Variants in AGO3 observed in about 807,000 individuals in gnomAD.
AGO3 encodes the protein protein argonaute-3.
AGO3 carries 16 observed loss-of-function variants against 105.5 expected under a neutral mutation model. The ratio of observed to expected loss-of-function variants is 0.15; its 90% CI spans 0.10 to 0.23. AGO3 has a LOEUF of 0.23. Ranked by LOEUF, AGO3 falls within the 10% of genes least tolerant of loss-of-function variation. The probability of loss-of-function intolerance (pLI) is 1.00; values close to 1 mark genes in which losing one functional copy is unlikely to be tolerated. For missense variants in AGO3, 534 were observed against 1,088.0 expected, an observed-to-expected ratio of 0.49 and a Z score of 7.16; for synonymous variants, 340 against 367.3, an observed-to-expected ratio of 0.93 and a Z score of 0.85.
intron 12 of AGO3, among the ~76,000 whole-genome samples, chr1:36,032,145 T>A (rs374485523): frequency 6.6e-5 from 10 of 152,322 alleles, no homozygotes; most frequent in African/African-American, 2.4e-4. Flanking sequence ...TTTTCCACAG[T>A]GGCTGCACCA....
At chr1:36,045,996 C>G (rs1275196648) in intron 17 of AGO3, among the ~76,000 whole-genome samples, 1 of 152,188 alleles carries the variant, frequency 6.6e-6, no homozygotes, top group Non-Finnish European at 1.5e-5. Context: ...AAATCAGGAT[C>G]AGCTGGGAAC....
At position 35,937,980 on chromosome 1, in the gene AGO3, C is replaced by CT. The variant is rs1252491042; in HGVS notation, c.19+6553dup. Among the ~76,000 whole-genome samples the CT allele has an allele frequency of 8.4e-3, 1,116 of 133,198 alleles. 6 individuals carry two copies. Among genetic ancestry groups the CT allele is most frequent in the African/African-American group, 0.018 (656 of 35,672 alleles). The allele number at this position is 133,198 out of a possible 152,430, so 87.4% of individuals were successfully genotyped here. ...TCTTTTTCCAAAACAAAAATGTATT[C>CT]TTTTTTTTTTTTTTTTTTGAGACGG... On this transcript the variant is annotated intron_variant, in intron 1 of 18. Transcript: ENST00000373191.
intron 3 of AGO3, among the ~76,000 whole-genome samples, chr1:35,970,756 G>T (rs1256167277): frequency 1.3e-5 from 2 of 150,900 alleles, no homozygotes; most frequent in African/African-American, 2.4e-5. Flanking sequence ...TTTAGACAGG[G>T]TCTTGCTCTG....
intron 2 of AGO3, among the ~76,000 whole-genome samples, chr1:35,965,602 A>G (rs1389806512): frequency 6.6e-6 from 1 of 151,972 alleles, no homozygotes; most frequent in African/African-American, 2.4e-5. Flanking sequence ...CTAAAAAATG[A>G]ATAGGTGAAT....
At chr1:36,037,019 A>G (rs995504611) in intron 14 of AGO3, among the ~76,000 whole-genome samples, 1 of 149,040 alleles carries the variant, frequency 6.7e-6, no homozygotes, top group Admixed American at 6.7e-5. Flanking sequence ...TACTACTGCC[A>G]CTCCTGTTTT....
In AGO3 at chr1:35,979,817, CT is replaced by C. The variant is rs201663748; in HGVS notation, c.658+6315del. On this transcript the variant is annotated intron_variant, in intron 5 of 18. Coordinates refer to ENST00000373191, the MANE Select transcript of AGO3 (RefSeq NM_024852.4). The stretch of plus-strand genomic sequence containing the variant: ...TTGTGAACTTTATCCTATCCTTTAA[CT>C]TTTTTTTTCAGGTATATCTTGATGA... Among the ~76,000 whole-genome samples the C allele has an allele frequency of 2.6e-5, 4 of 151,080 alleles. No individual in the cohort carries two copies. In the East Asian group the frequency reaches 5.8e-4, roughly 22 times the overall value.
intron 12 of AGO3, among the ~76,000 whole-genome samples, chr1:36,028,129 C>T (rs1298082202): frequency 2.0e-5 from 3 of 152,126 alleles, no homozygotes; most frequent in African/African-American, 7.2e-5. Flanking sequence ...GCAGCCTTGA[C>T]CTCTTGGGCT....
chr1:36,026,531 A>G (rs1641513181), intron 11 of AGO3, among the ~76,000 whole-genome samples: 1 of 152,226 alleles, frequency 6.6e-6, no homozygotes, highest in Non-Finnish European at 1.5e-5. Flanking sequence ...TTGTCTAATC[A>G]TTTGAACTTT....
intron 5 of AGO3, among the ~76,000 whole-genome samples, chr1:35,975,579 T>A (rs1203037149): frequency 1.3e-5 from 2 of 152,158 alleles, no homozygotes; most frequent in Non-Finnish European, 2.9e-5. Flanking sequence ...TGCAGAAGTT[T>A]GTTTGTATGT....
At chr1:36,011,160 CCAAG>C (rs1640594759) in intron 9 of AGO3, among the ~76,000 whole-genome samples, 1 of 151,814 alleles carries the variant, frequency 6.6e-6, no homozygotes, top group Non-Finnish European at 1.5e-5. Context: ...TTTTAACTGC[CCAAG>C]CAAAGAGAAA....
At chr1:35,980,289 A>C (rs747746484) in intron 5 of AGO3, among the ~76,000 whole-genome samples, 1 of 152,096 alleles carries the variant, frequency 6.6e-6, no homozygotes, top group Non-Finnish European at 1.5e-5. Flanking sequence ...TTGACTTTCA[A>C]CTTTGACTCC....
intron 1 of AGO3, among the ~76,000 whole-genome samples, chr1:35,944,668 T>C (rs1255967686): frequency 6.7e-6 from 1 of 150,004 alleles, no homozygotes; most frequent in Non-Finnish European, 1.5e-5. Flanking sequence ...GCCTGGCTAA[T>C]TTTTGTATTT....
chr1:36,047,522 A>C (rs1163481302), intron 17 of AGO3, among the ~76,000 whole-genome samples: 1 of 152,110 alleles, frequency 6.6e-6, no homozygotes, highest in East Asian at 1.9e-4. Flanking sequence ...TAAGCAAATA[A>C]ATATTTGTAT....
intron 5 of AGO3, among the ~76,000 whole-genome samples, chr1:35,980,843 G>C (rs1380903063): frequency 1.3e-5 from 2 of 152,058 alleles, no homozygotes; most frequent in Non-Finnish European, 2.9e-5. Flanking sequence ...TTTCTTAGTT[G>C]ACCATTTTGG....
chr1:36,009,446 T>C, intron 8 of AGO3, 29 bp from the exon 9 acceptor site: 6 of 1,594,856 alleles, frequency 3.8e-6, no homozygotes, highest in South Asian at 3.4e-5. Context: ...GATATATACA[T>C]GTAGTACAAA....
intron 5 of AGO3, among the ~76,000 whole-genome samples, chr1:35,988,415 T>C (rs625306): frequency 0.24 from 36,112 of 152,080 alleles, 7,116 homozygotes; most frequent in East Asian, 0.69. Context: ...AAAGTTTCTA[T>C]GCTTTGACCA....
rs553223814 is a variant in AGO3 at position 36,034,185 on chromosome 1, C to T, written c.1603C>T (p.Arg535Cys). 6 of 1,533,920 alleles carry T rather than the reference C, an allele frequency of 3.9e-6. No homozygotes were observed. The highest frequency in any genetic ancestry group is 1.3e-5 in the South Asian group (1 of 77,904). Reference protein sequence around the residue: ...GKTPVYAEVKRVGDTLLGMAT... With the variant: ...GKTPVYAEVKCVGDTLLGMAT... ...CATCTATTCCATAGCGGAAGTGAAA[C>T]GTGTAGGAGACACACTTTTGGGTAT... Residue 535 changes from arginine to cysteine, a missense_variant, in exon 13 of 19, where the codon CGT becomes TGT. Physicochemically the swap from Arg to Cys is radical, Grantham distance 180. Coordinates refer to ENST00000373191, the MANE Select transcript of AGO3 (RefSeq NM_024852.4).
intron 16 of AGO3, among the ~76,000 whole-genome samples, 155 bp downstream of exon 16, chr1:36,040,596 A>G (rs1229256471): frequency 6.6e-6 from 1 of 152,198 alleles, no homozygotes; most frequent in African/African-American, 2.4e-5. Context: ...ATCAAAATAG[A>G]TTATTTTTAA....
chr1:35,933,218 A>G (rs985176274), intron 1 of AGO3, among the ~76,000 whole-genome samples: 3 of 152,206 alleles, frequency 2.0e-5, no homozygotes, highest in Admixed American at 6.5e-5. Context: ...AATGTAGCCT[A>G]ATAATGAAGA....
Sources: allele counts gnomAD v4.1 joint callset (sites outside exome capture counted in the v4.1 genomes callset), GRCh38; gene constraint gnomAD v4.1.1; transcripts MANE v1.5; gene names NCBI Gene and HGNC (gene_info 2026-07-23, HGNC 2026-07-21).